The following C2orf42 variants were observed in gnomAD, a reference collection of about 807,000 sequenced individuals.
C2orf42 encodes chromosome 2 open reading frame 42.
Under a neutral mutation model 58.9 loss-of-function variants are expected in C2orf42, and 44 were observed. The ratio of observed to expected loss-of-function variants is 0.75; its 90% CI spans 0.59 to 0.96. The LOEUF (loss-of-function observed/expected upper bound fraction) is 0.96, where lower values mean the gene tolerates loss of function less well. C2orf42 is among the 40% of genes least tolerant of loss of function. The pLI is 0.00. For missense variants in C2orf42, 630 were observed against 699.2 expected (o/e 0.90, Z 1.12); for synonymous variants, 239 against 265.4 (o/e 0.90, Z 0.97).
At position 70,175,679 on chromosome 2, in the gene C2orf42, T is replaced by C; in HGVS notation, c.1033A>G (p.Arg345Gly). 6.2e-7 allele frequency: 1 copy of C among 1,602,330 alleles called. No individual in the cohort carries two copies. The highest frequency in any genetic ancestry group is 8.6e-7 in the Non-Finnish European group (1 of 1,169,382). Reference sequence around the variant, plus strand: ...CTAGGGAAGGGAAACTTACCCTGCCTTTTTAACGAGGAAGCAACCACAGGC... The same window carrying C: ...CTAGGGAAGGGAAACTTACCCTGCCCTTTTAACGAGGAAGCAACCACAGGC... The part of the protein sequence containing the change: ...KKPVVASSLK[R>G]QACGQLLDEA... Residue 345 changes from arginine to glycine, a missense_variant, in exon 5 of 10, where the codon AGG becomes GGG. Coordinates refer to ENST00000264434, the MANE Select transcript of C2orf42 (RefSeq NM_017880.3).
intron 6 of C2orf42, among the ~76,000 whole-genome samples, 153 bp downstream of exon 6, chr2:70,169,404 G>GT (rs1410705043): frequency 1.2e-4 from 18 of 152,064 alleles, no homozygotes; most frequent in Non-Finnish European, 2.2e-4. Context: ...CTATGTGATT[G>GT]TTTTTTTCTT....
At chr2:70,159,992 T>C (rs1292853123) in intron 9 of C2orf42, among the ~76,000 whole-genome samples, 2 of 152,170 alleles carry the variant, frequency 1.3e-5, no homozygotes, top group Non-Finnish European at 2.9e-5. Context: ...TTCACAAGAA[T>C]TTGACAGAAT....
intron 1 of C2orf42, among the ~76,000 whole-genome samples, chr2:70,188,930 C>T (rs756867091): frequency 9.2e-5 from 14 of 152,104 alleles, no homozygotes; most frequent in Non-Finnish European, 2.1e-4. Context: ...ATTTATTTTA[C>T]AGACTGACTC....
At chr2:70,186,836 A>G (rs1396334259) in intron 1 of C2orf42, among the ~76,000 whole-genome samples, 2 of 152,130 alleles carry the variant, frequency 1.3e-5, no homozygotes, top group Admixed American at 1.3e-4. Context: ...CATCATTCTC[A>G]GTAAACTATC....
Position 70,169,609 on chromosome 2 carries a change from C to A in C2orf42, c.1092G>T (p.Trp364Cys). The A allele has an allele frequency of 6.2e-7, 1 of 1,611,716 alleles. No homozygotes were observed. ...EAQVTLSFQD[W>C]LASVTERIHQ... Reference sequence around the variant, plus strand: ...GGATGCGTTCTGTGACACTGGCCAGCCAGTCTTGGAAGGATAAAGTCACTT... The same window carrying A: ...GGATGCGTTCTGTGACACTGGCCAGACAGTCTTGGAAGGATAAAGTCACTT... Residue 364 changes from tryptophan (W) to cysteine (C), a missense_variant, in exon 6 of 10, where the codon TGG (tryptophan) becomes TGT (cysteine). Transcript: ENST00000264434.
At chr2:70,157,618 G>A (rs1032143950) in intron 9 of C2orf42, among the ~76,000 whole-genome samples, 1 of 151,886 alleles carries the variant, frequency 6.6e-6, no homozygotes, top group East Asian at 2.0e-4. Flanking sequence ...CCAACATGGC[G>A]AAACCCCATA....
intron 9 of C2orf42, among the ~76,000 whole-genome samples, chr2:70,156,241 G>T (rs553501020): frequency 6.6e-6 from 1 of 151,710 alleles, no homozygotes; most frequent in Admixed American, 6.6e-5. Flanking sequence ...TAAGACAAAA[G>T]ACCAACTATA....
At chr2:70,179,396 C>G in intron 4 of C2orf42, 136 bp downstream of exon 4, 1 of 332,214 alleles carries the variant, frequency 3.0e-6, no homozygotes, top group African/African-American at 2.1e-5. Context: ...TGGTAAGACC[C>G]CTGTCTCTTT....
chr2:70,160,682 G>T lies in C2orf42; in HGVS notation c.1459C>A (p.Arg487Ser), dbSNP rs146789788. The change falls in exon 9 of 10, where the codon CGT (arginine) becomes AGT (serine). Residue 487 changes from arginine (R) to serine (S), a missense_variant. Transcript: ENST00000264434. ...EVESIAETYG[R>S]IEKQPVLRPL... ...CGCAGCACTGGTTGTTTTTCTATAC[G>T]ACCGTAGGTTTCTGCTATGCTTTCT... 81 of 1,612,426 alleles carry T rather than the reference G, an allele frequency of 5.0e-5. No homozygotes were observed. Among genetic ancestry groups the T allele is most frequent in the Admixed American group, 1.5e-4 (9 of 59,700 alleles).
At chr2:70,183,367 G>C (rs147384520) in intron 1 of C2orf42, among the ~76,000 whole-genome samples, 1 of 152,224 alleles carries the variant, frequency 6.6e-6, no homozygotes, top group African/African-American at 2.4e-5. Flanking sequence ...GAGTCCAGGA[G>C]AGCAAGGCTG....
At chr2:70,160,290 C>T (rs1372587801) in intron 9 of C2orf42, among the ~76,000 whole-genome samples, 1 of 152,020 alleles carries the variant, frequency 6.6e-6, no homozygotes, top group Non-Finnish European at 1.5e-5. Context: ...CAGGCATGCG[C>T]CACTATGCCT....
At chr2:70,173,057 G>T (rs1673934839) in intron 5 of C2orf42, among the ~76,000 whole-genome samples, 2 of 151,932 alleles carry the variant, frequency 1.3e-5, no homozygotes, top group Admixed American at 1.3e-4. Context: ...CAGCTACTTG[G>T]GAGGCTGAGG....
rs1215308501 is a variant in C2orf42, at chr2:70,181,375, A to G, written c.611T>C (p.Leu204Ser). 2 of 1,614,002 alleles carry G rather than the reference A, an allele frequency of 1.2e-6. No homozygotes were observed. The highest frequency in any genetic ancestry group is 1.7e-6 in the Non-Finnish European group (2 of 1,180,010). ...KASQKHSLGY[L>S]HTSFVQKVSG... ...GACTTTCTGCACAAAAGATGTATGCAAATACCCCAAACTGTGCTTCTGGCT... is the reference window on the plus strand; with the variant it reads ...GACTTTCTGCACAAAAGATGTATGCGAATACCCCAAACTGTGCTTCTGGCT... The change falls in exon 3 of 10, where the codon TTG becomes TCG. Residue 204 changes from leucine (L) to serine (S), a missense_variant. Transcript: ENST00000264434.
Position 70,150,413 on chromosome 2 carries a change from C to G in C2orf42, c.1668G>C (p.Arg556=). Residue 556 remains arginine, a synonymous_variant, in exon 10 of 10, where the codon CGG becomes CGC. Transcript: ENST00000264434. ...GTTCCAAGGGCTGGTCCAAGGGGGG[C>G]CGCTGGTCTTGGTACTCCGCCACAT... The part of the protein sequence containing the change: ...NGHVAEYQDQ[R]PPLDQPLELA... 1.2e-6 allele frequency: 2 copies of G among 1,614,100 alleles called. No homozygotes were observed. The highest frequency in any genetic ancestry group is 1.3e-5 in the African/African-American group (1 of 75,012).
chr2:70,163,373 T>C (rs574613039), intron 8 of C2orf42, among the ~76,000 whole-genome samples: 1 of 151,798 alleles, frequency 6.6e-6, no homozygotes, highest in African/African-American at 2.4e-5. Context: ...GCCTCCCGAG[T>C]AGCTGGGACT....
At chr2:70,160,171 A>T (rs1174820008) in intron 9 of C2orf42, among the ~76,000 whole-genome samples, 1 of 140,652 alleles carries the variant, frequency 7.1e-6, no homozygotes, top group African/African-American at 2.7e-5. Context: ...GCTGAGTCTC[A>T]CTCTGCCGCC....
chr2:70,172,308 C>G (rs1457276888), intron 5 of C2orf42, among the ~76,000 whole-genome samples: 8 of 151,812 alleles, frequency 5.3e-5, no homozygotes, highest in Admixed American at 2.0e-4. Flanking sequence ...TTCCTCTCTT[C>G]TAAGATGAAG....
At chr2:70,169,467 A>G (rs1673646712) in intron 6 of C2orf42, 90 bp downstream of exon 6, 1 of 619,166 alleles carries the variant, frequency 1.6e-6, no homozygotes, top group South Asian at 2.3e-5. Context: ...CTGAAGTCCA[A>G]TTACTTTTCC....
chr2:70,175,907 A>C, intron 4 of C2orf42, 130 bp from the exon 5 acceptor site: 1 of 653,650 alleles, frequency 1.5e-6, no homozygotes, highest in South Asian at 1.8e-5. Context: ...AGTTTCTAGG[A>C]GTTAGCATTA....
Sources: gnomAD v4.1 joint callset for allele counts (sites outside exome capture counted in the v4.1 genomes callset) on GRCh38, gnomAD v4.1.1 for gene constraint, MANE v1.5 for transcripts, NCBI Gene and HGNC (gene_info 2026-07-23, HGNC 2026-07-21) for gene names.